GABBR2: variants seen among roughly 807,000 people sequenced by gnomAD.
GABBR2 encodes gamma-aminobutyric acid type B receptor subunit 2, also known as G-protein coupled receptor 51.
A neutral mutation model predicts 105.6 loss-of-function variants in GABBR2; 23 were observed. The ratio of observed to expected loss-of-function variants is 0.22; its 90% CI spans 0.16 to 0.31. The LOEUF (loss-of-function observed/expected upper bound fraction) is 0.31, where lower values mean the gene tolerates loss of function less well. Ranked by LOEUF, GABBR2 falls within the 10% of genes least tolerant of loss-of-function variation. The pLI is 1.00. For missense variants in GABBR2, 734 were observed against 1,245.5 expected (o/e 0.59, Z 6.18); for synonymous variants, 478 against 499.7 (o/e 0.96, Z 0.58).
intron 14 of GABBR2, among the ~76,000 whole-genome samples, chr9:98,308,141 G>A (rs1476118888): frequency 6.6e-6 from 1 of 152,192 alleles, no homozygotes; most frequent in Non-Finnish European, 1.5e-5. Flanking sequence ...GGCTGAGGCA[G>A]GAGAATCGCT....
intron 7 of GABBR2, among the ~76,000 whole-genome samples, chr9:98,429,763 A>G (rs1825764666): frequency 6.6e-6 from 1 of 152,134 alleles, no homozygotes; most frequent in African/African-American, 2.4e-5. Flanking sequence ...AGGGGAGGCG[A>G]GAAAACAGAT....
chr9:98,657,006 A>G (rs1830193067), intron 1 of GABBR2, among the ~76,000 whole-genome samples: 1 of 152,244 alleles, frequency 6.6e-6, no homozygotes, highest in South Asian at 2.1e-4. Context: ...TTTGACTCAT[A>G]CAGTGCTACT....
chr9:98,617,735 G>T (rs1247071456), intron 1 of GABBR2, among the ~76,000 whole-genome samples: 1 of 152,018 alleles, frequency 6.6e-6, no homozygotes, highest in African/African-American at 2.4e-5. Context: ...CCATTTGTTG[G>T]CACACAAAAA....
At chr9:98,671,685 T>C (rs1830409158) in intron 1 of GABBR2, among the ~76,000 whole-genome samples, 1 of 152,232 alleles carries the variant, frequency 6.6e-6, no homozygotes, top group Admixed American at 6.5e-5. Flanking sequence ...TTAGCCATCC[T>C]GGTGGGTGTG....
At chr9:98,673,509 A>C (rs1442036424) in intron 1 of GABBR2, among the ~76,000 whole-genome samples, 1 of 152,136 alleles carries the variant, frequency 6.6e-6, no homozygotes, top group African/African-American at 2.4e-5. Context: ...TGAAGGGAGA[A>C]AATTATTATA....
intron 1 of GABBR2, among the ~76,000 whole-genome samples, chr9:98,696,025 C>T (rs1292515574): frequency 6.6e-6 from 1 of 152,200 alleles, no homozygotes; most frequent in Non-Finnish European, 1.5e-5. Flanking sequence ...TCATGGAGTT[C>T]ACAGTCCCCT....
intron 7 of GABBR2, among the ~76,000 whole-genome samples, chr9:98,436,995 G>A (rs1825938285): frequency 1.3e-5 from 2 of 152,122 alleles, no homozygotes; most frequent in South Asian, 2.1e-4. Context: ...AAGAGTAACT[G>A]GGTAGAGGAC....
chr9:98,431,720 G>A (rs1333825639), intron 7 of GABBR2, among the ~76,000 whole-genome samples: 1 of 151,628 alleles, frequency 6.6e-6, no homozygotes, highest in Non-Finnish European at 1.5e-5. Context: ...TTTTTTGATA[G>A]AGTCTCACTC....
chr9:98,597,982 C>A (rs138289554), intron 1 of GABBR2, among the ~76,000 whole-genome samples: 2 of 151,940 alleles, frequency 1.3e-5, no homozygotes, highest in Non-Finnish European at 2.9e-5. Flanking sequence ...CCACCACCTC[C>A]GGCTAATTTT....
intron 1 of GABBR2, among the ~76,000 whole-genome samples, chr9:98,623,856 T>G (rs1446064791): frequency 6.6e-6 from 1 of 152,224 alleles, no homozygotes; most frequent in Non-Finnish European, 1.5e-5. Flanking sequence ...AGCCGCAGGT[T>G]CTGCCATGAG....
chr9:98,342,745 C>T (rs1451490913), intron 13 of GABBR2, among the ~76,000 whole-genome samples: 1 of 152,228 alleles, frequency 6.6e-6, no homozygotes, highest in Non-Finnish European at 1.5e-5. Context: ...GAGTGTGACC[C>T]TTAGCATCCA....
rs539186210 is a variant in GABBR2, at chr9:98,403,241, C to T, written c.1297+2840G>A. ...CCCAGGAGGCAGAGGTTGCAGTGAG[C>T]CGAGATTGTGCCACTGCACTCCAGC... On this transcript the variant is annotated intron_variant, in intron 8 of 18. Transcript: ENST00000259455. Among the ~76,000 whole-genome samples the T allele has an allele frequency of 7.5e-5, 11 of 147,098 alleles. 1 individual carries two copies. The South Asian group carries it at 2.2e-3, about 29-fold the overall frequency.
chr9:98,405,432 AC>A (rs1419859711), intron 8 of GABBR2, among the ~76,000 whole-genome samples: 4 of 152,168 alleles, frequency 2.6e-5, no homozygotes. Flanking sequence ...CCCTTTCTCT[AC>A]AAAAAACACC....
chr9:98,513,490 T>C (rs1268400550), intron 3 of GABBR2, among the ~76,000 whole-genome samples: 1 of 151,118 alleles, frequency 6.6e-6, no homozygotes, highest in Non-Finnish European at 1.5e-5. Flanking sequence ...TGGGAGAAAA[T>C]TTTTGCAACC....
chr9:98,552,911 C>G (rs1193648292), intron 2 of GABBR2, among the ~76,000 whole-genome samples: 1 of 152,072 alleles, frequency 6.6e-6, no homozygotes, highest in Non-Finnish European at 1.5e-5. Context: ...GGGTCTCACT[C>G]TGTCACCCAG....
intron 1 of GABBR2, among the ~76,000 whole-genome samples, chr9:98,585,237 A>G (rs1300215955): frequency 6.6e-6 from 1 of 152,112 alleles, no homozygotes; most frequent in Admixed American, 6.5e-5. Flanking sequence ...ACTTGGAACC[A>G]ACCTAAATGT....
chr9:98,359,279 T>G lies in GABBR2; in HGVS notation c.1893+3436A>C, dbSNP rs961324494. ...CCTATCTCTACTAAGAATACAAAAT[T>G]TAGTCAGGCATGGTGGTGCACACCT... is the stretch of plus-strand genomic sequence containing the variant. On this transcript the variant is annotated intron_variant, in intron 13 of 18. Transcript: ENST00000259455. Among the ~76,000 whole-genome samples, 4 of 151,498 alleles carry G rather than the reference T, an allele frequency of 2.6e-5. No homozygotes were observed. In the East Asian group the frequency reaches 7.8e-4, roughly 29 times the overall value.
At chr9:98,355,135 A>G (rs1229977702) in intron 13 of GABBR2, among the ~76,000 whole-genome samples, 1 of 152,178 alleles carries the variant, frequency 6.6e-6, no homozygotes, top group African/African-American at 2.4e-5. Flanking sequence ...CGCACAGAAC[A>G]CTTAACAAAT....
At chr9:98,570,675 A>T (rs1828817780) in intron 2 of GABBR2, among the ~76,000 whole-genome samples, 1 of 152,170 alleles carries the variant, frequency 6.6e-6, no homozygotes, top group African/African-American at 2.4e-5. Context: ...CTGCAAACAC[A>T]AGCCACCCTT....
Sources: allele counts gnomAD v4.1 joint callset (sites outside exome capture counted in the v4.1 genomes callset), GRCh38; gene constraint gnomAD v4.1.1; transcripts MANE v1.5; gene names NCBI Gene and HGNC (gene_info 2026-07-23, HGNC 2026-07-21).